The following TMEM223 variants were observed in gnomAD, a reference collection of about 807,000 sequenced individuals.
The protein encoded by TMEM223 is transmembrane protein 223.
TMEM223 carries 14 observed loss-of-function variants against 14.1 expected under a neutral mutation model. The ratio of observed to expected loss-of-function variants is 0.99; its 90% CI spans 0.66 to 1.55. The LOEUF (loss-of-function observed/expected upper bound fraction) is 1.55. Among genes scored for constraint, TMEM223 ranks in the 40% most tolerant of loss-of-function variants. The probability of loss-of-function intolerance (pLI) is 0.00; values close to 1 mark genes in which losing one functional copy is unlikely to be tolerated. For missense variants in TMEM223, 346 were observed against 269.9 expected, an observed-to-expected ratio of 1.28 and a Z score of -1.97; for synonymous variants, 145 against 120.5, an observed-to-expected ratio of 1.20 and a Z score of -1.33.
chr11:62,786,345 C>T, downstream of TMEM223: 2 of 1,614,168 alleles, frequency 1.2e-6, no homozygotes, highest in Non-Finnish European at 1.7e-6. Context: ...GTATCTAATG[C>T]CCAGGTCAAA....
downstream of TMEM223, chr11:62,787,456 G>A (rs751761737): frequency 4.5e-6 from 7 of 1,571,184 alleles, no homozygotes; most frequent in South Asian, 2.3e-5. Context: ...GCTGCAGCGC[G>A]TCGAGCTTGC....
At chr11:62,779,713 C>G (rs920792517) in intron 1 of TMEM223, among the ~76,000 whole-genome samples, 1 of 150,022 alleles carries the variant, frequency 6.7e-6, no homozygotes, top group Non-Finnish European at 1.5e-5. Context: ...TCACCTAGGC[C>G]GGAGTGCAGT....
chr11:62,787,082 T>TCGCCCCGCGCGG, downstream of TMEM223: 1 of 1,536,212 alleles, frequency 6.5e-7, no homozygotes, highest in Middle Eastern at 1.7e-4. Flanking sequence ...AAGAGCCGTT[T>TCGCCCCGCGCGG]CGCCCCGCGC....
downstream of TMEM223, chr11:62,787,561 G>T (rs1165076043): frequency 1.3e-6 from 2 of 1,510,274 alleles, no homozygotes; most frequent in Non-Finnish European, 1.8e-6. Flanking sequence ...GTAGGCGGGG[G>T]AGCTGGCCGG....
intron 1 of TMEM223, chr11:62,778,906 C>G: frequency 1.2e-6 from 2 of 1,613,940 alleles, no homozygotes; most frequent in Non-Finnish European, 1.7e-6. Context: ...ATGACCTTCT[C>G]AAGTACTATC....
Position 62,790,566 on chromosome 11 carries a change from C to A in TMEM223, c.*57G>T, listed in dbSNP as rs2084349064. The A allele has an allele frequency of 6.7e-6, 10 of 1,496,214 alleles. No homozygotes were observed. Among genetic ancestry groups the A allele is most frequent in the Non-Finnish European group, 9.0e-6 (10 of 1,105,162 alleles). 92.7% of individuals were successfully genotyped at this position (1,496,214 alleles called of 1,614,324 possible). On this transcript the variant is annotated 3_prime_UTR_variant, in exon 2 of 2. Coordinates refer to ENST00000307366, the MANE Select transcript of TMEM223 (RefSeq NM_001080501.3). ...AGGTGTGAACCAACACACCTGGCTCCCCAAGGTTCAGTTTTTATCCTCCTC... is the reference window on the plus strand; with the variant it reads ...AGGTGTGAACCAACACACCTGGCTCACCAAGGTTCAGTTTTTATCCTCCTC...
downstream of TMEM223, chr11:62,787,424 A>G: frequency 5.1e-6 from 8 of 1,560,268 alleles, no homozygotes; most frequent in South Asian, 1.1e-5. Flanking sequence ...CCTGGTGGTC[A>G]GGGCGCCATG....
chr11:62,777,941 T>G (rs1417501740), intron 1 of TMEM223: 31 of 1,609,032 alleles, frequency 1.9e-5, no homozygotes, highest in Non-Finnish European at 2.5e-5. Context: ...GCTCCCTCCC[T>G]GGATTCAGGC....
In TMEM223 at chr11:62,790,444, T is replaced by TG. The variant is rs1417887023; in HGVS notation, c.*178_*179insC. The TG allele has an allele frequency of 1.6e-5, 10 of 616,756 alleles. No homozygotes were observed. The highest frequency in any genetic ancestry group is 2.7e-5 in the Non-Finnish European group (10 of 370,980). The allele number at this position is 616,756 out of a possible 1,614,324, so 38.2% of individuals were successfully genotyped here. On this transcript the variant is annotated 3_prime_UTR_variant, in exon 2 of 2. Coordinates refer to ENST00000307366, the MANE Select transcript of TMEM223 (RefSeq NM_001080501.3). ...TCTAAGATTGGCGTTTTTTTTTGTTTTTTTTTTTGTAAATAGAGACAAGGT... is the reference window on the plus strand; with the variant it reads ...TCTAAGATTGGCGTTTTTTTTTGTTTGTTTTTTTTGTAAATAGAGACAAGGT...
downstream of TMEM223, chr11:62,771,522 C>T (rs1241037252): frequency 6.3e-6 from 1 of 159,072 alleles, no homozygotes; most frequent in Non-Finnish European, 1.4e-5. Flanking sequence ...CCAAGGACTC[C>T]CCATTCCCGA....
At chr11:62,778,816 C>T in intron 1 of TMEM223, 3 of 1,497,804 alleles carry the variant, frequency 2.0e-6, no homozygotes, top group Non-Finnish European at 1.9e-6. Context: ...CTGGAGAGGC[C>T]AGGAGAGGGC....
At chr11:62,774,239 G>A (rs2084169488) in intron 2 of TMEM223, among the ~76,000 whole-genome samples, 1 of 152,090 alleles carries the variant, frequency 6.6e-6, no homozygotes, top group South Asian at 2.1e-4. Flanking sequence ...ACCAAGCCCA[G>A]CTAATTTTTT....
chr11:62,778,525 C>A, intron 1 of TMEM223: 1 of 675,500 alleles, frequency 1.5e-6, no homozygotes, highest in Non-Finnish European at 2.6e-6. Flanking sequence ...AGACCTGTAA[C>A]TAGTCATAAT....
chr11:62,789,420 C>T (rs1221925457), downstream of TMEM223: 7 of 1,613,748 alleles, frequency 4.3e-6, no homozygotes, highest in African/African-American at 1.3e-5. Flanking sequence ...TTGAACACTA[C>T]AATTAGGTAA....
chr11:62,783,191 T>G (rs887294593), downstream of TMEM223, among the ~76,000 whole-genome samples: 1 of 152,164 alleles, frequency 6.6e-6, no homozygotes, highest in Non-Finnish European at 1.5e-5. Context: ...CTTTAAAAAT[T>G]AGGTGTTGGC....
chr11:62,776,445 G>A lies in TMEM223; in HGVS notation c.315-1780C>T. On this transcript the variant is annotated intron_variant, in intron 1 of 2. Coordinates refer to the TMEM223 transcript ENST00000528367. ...AAGCTGACGGTTGAGGACTTCAACA[G>A]GGCCCTCAGATGGAGCAGCGTGGAG... 1.9e-6 allele frequency: 3 copies of A among 1,613,800 alleles called. No individual in the cohort carries two copies. In the South Asian group the frequency reaches 3.3e-5, roughly 18 times the overall value.
rs2084237035 is a variant in TMEM223, at chr11:62,782,388, G to T, written c.315-7723C>A. ...GATTGCTGCAGAGCCAAGTGGGTTGGGGTAAGGAAATGGGGCGAAGCCTCT... is the reference window on the plus strand; with the variant it reads ...GATTGCTGCAGAGCCAAGTGGGTTGTGGTAAGGAAATGGGGCGAAGCCTCT... On this transcript the variant is annotated intron_variant, in intron 1 of 2. Transcript: ENST00000528367. 7 of 1,572,274 alleles carry T rather than the reference G, an allele frequency of 4.5e-6. No individual in the cohort carries two copies. The South Asian group carries it at 7.9e-5, about 18-fold the overall frequency.
Position 62,790,465 on chromosome 11 carries a change from A to C in TMEM223, c.*158T>G. 1 of 629,700 alleles carries C rather than the reference A, an allele frequency of 1.6e-6. No individual in the cohort carries two copies. Among genetic ancestry groups the C allele is most frequent in the Non-Finnish European group, 2.6e-6 (1 of 381,680 alleles). 39.0% of individuals were successfully genotyped at this position (629,700 alleles called of 1,614,324 possible). On this transcript the variant is annotated 3_prime_UTR_variant, in exon 2 of 2. Transcript: ENST00000307366. ...TGTTTTTTTTTTTGTAAATAGAGAC[A>C]AGGTCTCGCTATGTTGCCCAGCCTG...
At chr11:62,775,206 G>C (rs901666232) in intron 1 of TMEM223, among the ~76,000 whole-genome samples, 9 of 152,192 alleles carry the variant, frequency 5.9e-5, no homozygotes, top group African/African-American at 2.2e-4. Flanking sequence ...CTGCAGCTAG[G>C]AGAAGTGCCG....
Sources: gnomAD v4.1 joint callset for allele counts (sites outside exome capture counted in the v4.1 genomes callset) on GRCh38, gnomAD v4.1.1 for gene constraint, MANE v1.5 for transcripts, NCBI Gene and HGNC (gene_info 2026-07-23, HGNC 2026-07-21) for gene names.